The following KCNQ1 variants were observed in gnomAD, a reference collection of about 807,000 sequenced individuals.
KCNQ1 encodes potassium voltage-gated channel subfamily KQT member 1.
A neutral mutation model predicts 72.4 loss-of-function variants in KCNQ1; 49 were observed. The ratio of observed to expected loss-of-function variants is 0.68; its 90% CI spans 0.54 to 0.86. KCNQ1 has a LOEUF of 0.86. Ranked by LOEUF, KCNQ1 falls within the 40% of genes least tolerant of loss-of-function variation. The probability of loss-of-function intolerance (pLI) is 0.00; values close to 1 mark genes in which losing one functional copy is unlikely to be tolerated. For missense variants in KCNQ1, 790 were observed against 945.1 expected (o/e 0.84, Z 2.15); for synonymous variants, 450 against 412.6 (o/e 1.09, Z -1.10).
intron 1 of KCNQ1, among the ~76,000 whole-genome samples, chr11:2,452,736 A>G (rs1162746539): frequency 1.3e-5 from 2 of 152,266 alleles, no homozygotes; most frequent in African/African-American, 4.8e-5. Flanking sequence ...AAACAGCATG[A>G]CATTGCCTTA....
chr11:2,722,410 G>C (rs1845684162), intron 11 of KCNQ1, among the ~76,000 whole-genome samples: 1 of 152,178 alleles, frequency 6.6e-6, no homozygotes, highest in South Asian at 2.1e-4. Flanking sequence ...CTGCAGCCTG[G>C]AACTGAGCCC....
intron 1 of KCNQ1, among the ~76,000 whole-genome samples, chr11:2,465,778 C>A (rs1404032117): frequency 6.6e-6 from 1 of 152,206 alleles, no homozygotes; most frequent in Non-Finnish European, 1.5e-5. Flanking sequence ...GTGTTCCGGG[C>A]AGGCTGGGAA....
rs1369395881 is a variant in KCNQ1, at chr11:2,496,895, GA to G, written c.387-31030del. Among the ~76,000 whole-genome samples, 4 of 56,516 alleles carry G rather than the reference GA, an allele frequency of 7.1e-5. No individual in the cohort carries two copies. The East Asian group carries it at 2.1e-3, about 29-fold the overall frequency. 37.1% of individuals were successfully genotyped at this position (56,516 alleles called of 152,430 possible). A position where few individuals can be genotyped will look rare whatever the true frequency, so the allele number is the denominator to read the frequency against. On this transcript the variant is annotated intron_variant, in intron 1 of 15. Transcript: ENST00000155840. ...GCAAGCCTCAGCATTTGCTTGTTTG[GA>G]AAGGATTTTATTTATCCTTTACTCA... is the stretch of plus-strand genomic sequence containing the variant.
At chr11:2,585,447 AG>A in intron 8 of KCNQ1, 140 bp downstream of exon 8, 1 of 791,690 alleles carries the variant, frequency 1.3e-6, no homozygotes, top group Non-Finnish European at 2.1e-6. Context: ...TGCTTGTGGA[AG>A]CCTTGGCTGC....
chr11:2,513,594 C>A (rs1221007564), intron 1 of KCNQ1, among the ~76,000 whole-genome samples: 1 of 152,212 alleles, frequency 6.6e-6, no homozygotes, highest in African/African-American at 2.4e-5. Context: ...CATGCTGGGG[C>A]CTACTGGGAG....
intron 1 of KCNQ1, among the ~76,000 whole-genome samples, chr11:2,522,188 C>T (rs114344004): frequency 0.029 from 3,909 of 136,316 alleles, 130 homozygotes; most frequent in African/African-American, 0.088. Flanking sequence ...GTGGGCTCCC[C>T]GCTCATGCAG....
At chr11:2,823,103 G>A (rs1847771438) in intron 15 of KCNQ1, among the ~76,000 whole-genome samples, 1 of 152,054 alleles carries the variant, frequency 6.6e-6, no homozygotes, top group African/African-American at 2.4e-5. Flanking sequence ...TAAAGAAAGG[G>A]CCCACTGAGA....
intron 10 of KCNQ1, chr11:2,643,156 T>C (rs1221908936): frequency 2.5e-6 from 1 of 398,204 alleles, no homozygotes; most frequent in East Asian, 3.6e-5. Context: ...TGAACTGGTC[T>C]GTAAATGTCT....
intron 11 of KCNQ1, chr11:2,686,726 C>G (rs1388077209): frequency 2.5e-6 from 1 of 398,570 alleles, no homozygotes; most frequent in Non-Finnish European, 4.4e-6. Context: ...CTCGGCCCCA[C>G]TTCTACCCAG....
intron 11 of KCNQ1, among the ~76,000 whole-genome samples, chr11:2,701,981 GGGTGGCC>G (rs1850823231): frequency 6.6e-6 from 1 of 152,232 alleles, no homozygotes; most frequent in South Asian, 2.1e-4. Context: ...GTTGAGTTGA[GGGTGGCC>G]TCAGGCCCCT....
In KCNQ1 at chr11:2,752,327, C is replaced by T. The variant is rs557394474; in HGVS notation, c.1515-16517C>T. Among the ~76,000 whole-genome samples, 1 of 151,756 alleles carries T rather than the reference C, an allele frequency of 6.6e-6. No homozygotes were observed. The highest frequency in any genetic ancestry group is 1.5e-5 in the Non-Finnish European group (1 of 68,008). ...AGCTGATCTGAACCCAGTTGAGTGGCTTCCATGAAGCTGATCCGGACTAAG... is the reference window on the plus strand; with the variant it reads ...AGCTGATCTGAACCCAGTTGAGTGGTTTCCATGAAGCTGATCCGGACTAAG... On this transcript the variant is annotated intron_variant, in intron 11 of 15. Transcript: ENST00000155840. This position sits in a 1 kb window ranked among gnomAD's most constrained non-coding sequence, Gnocchi z 5.2.
Position 2,677,554 on chromosome 11 carries a change from A to G in KCNQ1, c.1514+15473A>G, listed in dbSNP as rs1478932024. The G allele has an allele frequency of 5.0e-6, 2 of 398,512 alleles. No individual in the cohort carries two copies. Among genetic ancestry groups the G allele is most frequent in the African/African-American group, 4.1e-5 (2 of 48,640 alleles). 24.7% of individuals were successfully genotyped at this position (398,512 alleles called of 1,614,324 possible). On this transcript the variant is annotated intron_variant, in intron 11 of 15. Coordinates refer to ENST00000155840, the MANE Select transcript of KCNQ1 (RefSeq NM_000218.3). This position sits in a 1 kb window ranked among gnomAD's most constrained non-coding sequence, Gnocchi z 4.5. ...TGCCAAGTATAAAAGATGCCCTCAG[A>G]TGTTACCATATAATGCTTTACAAAA...
At chr11:2,650,603 A>G in intron 10 of KCNQ1, 1 of 398,606 alleles carries the variant, frequency 2.5e-6, no homozygotes, top group Non-Finnish European at 4.4e-6. Context: ...GGCTCCTTAG[A>G]GGTACTTACT....
intron 10 of KCNQ1, among the ~76,000 whole-genome samples, chr11:2,590,713 C>T (rs1374330788): frequency 1.3e-5 from 2 of 152,238 alleles, no homozygotes; most frequent in African/African-American, 4.8e-5. Context: ...CAAGGCATGT[C>T]CCTCTAAGGA....
At chr11:2,606,523 T>C (rs1248289682) in intron 10 of KCNQ1, among the ~76,000 whole-genome samples, 1 of 152,228 alleles carries the variant, frequency 6.6e-6, no homozygotes, top group African/African-American at 2.4e-5. Flanking sequence ...TCTTGCCATG[T>C]GATATGCCTG....
At chr11:2,831,933 T>C (rs72844296) in intron 15 of KCNQ1, among the ~76,000 whole-genome samples, 13,962 of 152,086 alleles carry the variant, frequency 0.092, 789 homozygotes, top group Middle Eastern at 0.19. Context: ...GAGCTGGACA[T>C]GCCCCTGGTA....
chr11:2,487,463 G>T (rs969343752), intron 1 of KCNQ1, among the ~76,000 whole-genome samples: 1 of 152,162 alleles, frequency 6.6e-6, no homozygotes, highest in African/African-American at 2.4e-5. Flanking sequence ...ATCACTTTGG[G>T]TAGTATTGAT....
rs977473274 is a variant in KCNQ1, at chr11:2,586,829, C to T, written c.1129-741C>T. On this transcript the variant is annotated intron_variant, in intron 8 of 15. Transcript: ENST00000155840. Reference sequence around the variant, plus strand: ...TCTCCACTCGGCCCTCTCTCAGGCTCATGTGGCCAGTGATGACAAGGCCAC... The same window carrying T: ...TCTCCACTCGGCCCTCTCTCAGGCTTATGTGGCCAGTGATGACAAGGCCAC... Among the ~76,000 whole-genome samples the T allele has an allele frequency of 4.6e-5, 7 of 152,220 alleles. No homozygotes were observed. The East Asian group carries it at 5.8e-4, about 13-fold the overall frequency.
At chr11:2,689,248 T>C (rs1350659456) in intron 11 of KCNQ1, 4 of 398,630 alleles carry the variant, frequency 1.0e-5, no homozygotes, top group Non-Finnish European at 8.8e-6. Flanking sequence ...AAGTCAGCCC[T>C]TGGAGGACGT....
Sources: gnomAD v4.1 joint callset for allele counts (sites outside exome capture counted in the v4.1 genomes callset) on GRCh38, gnomAD v4.1.1 for gene constraint, Gnocchi (gnomAD v3.1) non-coding constraint, MANE v1.5 for transcripts, NCBI Gene and HGNC (gene_info 2026-07-23, HGNC 2026-07-21) for gene names.